MTRR: variants seen among roughly 807,000 people sequenced by gnomAD.
The protein encoded by MTRR is 5-methyltetrahydrofolate-homocysteine methyltransferase reductase, also known as methionine synthase reductase.
In MTRR, 63 loss-of-function variants were observed where a neutral mutation model predicts 79.2. That is an observed-to-expected ratio of 0.80 (90% CI 0.65 to 0.98). The LOEUF (loss-of-function observed/expected upper bound fraction) is 0.98. Ranked by LOEUF, MTRR falls within the 50% of genes least tolerant of loss-of-function variation. The pLI, the probability that MTRR is intolerant of heterozygous loss-of-function variation, is 0.00. For missense variants in MTRR, 895 were observed against 839.6 expected (o/e 1.07, Z -0.82); for synonymous variants, 355 against 313.3 (o/e 1.13, Z -1.41).
intron 12 of MTRR, chr5:7,896,378 G>A (rs913452377): frequency 5.1e-6 from 1 of 195,058 alleles, no homozygotes; most frequent in Admixed American, 5.4e-5. Context: ...CTATTTGTCA[G>A]ATAGTAGAGT....
intron 5 of MTRR, among the ~76,000 whole-genome samples, chr5:7,881,940 C>G (rs575216834): frequency 6.6e-6 from 1 of 152,228 alleles, no homozygotes; most frequent in Non-Finnish European, 1.5e-5. Flanking sequence ...TCTGTCTGCT[C>G]TCTCACTGGT....
chr5:7,894,393 A>G (rs932999654), intron 11 of MTRR, among the ~76,000 whole-genome samples: 1 of 152,338 alleles, frequency 6.6e-6, no homozygotes, highest in East Asian at 1.9e-4. Flanking sequence ...AAGCAGGAGC[A>G]CTAAGCCTGT....
In MTRR at chr5:7,878,278, C is replaced by A. The variant is rs1281231460; in HGVS notation, c.736C>A (p.Pro246Thr). ...AGCCTCTCTGAATATTCCTGGTTTA[C>A]CCCCAGAATATTTACAGGTACATCT... ...SQASLNIPGL[P>T]PEYLQVHLQE... is the part of the protein sequence containing the mutation. The change falls in exon 5 of 15, where the codon CCC becomes ACC. Residue 246 changes from proline (P) to threonine (T), a missense_variant. Coordinates refer to ENST00000440940, the MANE Select transcript of MTRR (RefSeq NM_002454.3). The A allele has an allele frequency of 1.9e-6, 3 of 1,614,154 alleles. No individual in the cohort carries two copies. In the East Asian group the frequency reaches 6.7e-5, roughly 36 times the overall value.
At chr5:7,873,263 G>T in intron 2 of MTRR, 110 bp from the exon 3 acceptor site, 2 of 1,422,246 alleles carry the variant, frequency 1.4e-6, no homozygotes, top group Non-Finnish European at 2.0e-6. Context: ...AAACTGGCAA[G>T]GAAGAAGATT....
chr5:7,861,777 C>G (rs1277305486), intron 1 of MTRR: 8 of 1,445,020 alleles, frequency 5.5e-6, no homozygotes, highest in Non-Finnish European at 7.3e-6. Context: ...CTGAAGGCTG[C>G]AAAGTAATGA....
At chr5:7,870,173 ACACT>A in intron 1 of MTRR, 1 of 595,066 alleles carries the variant, frequency 1.7e-6, no homozygotes, top group Non-Finnish European at 2.1e-6. Context: ...ATATGCCCAT[ACACT>A]CACATATTTT....
intron 9 of MTRR, among the ~76,000 whole-genome samples, chr5:7,889,529 TC>T (rs767241792): frequency 1.3e-5 from 2 of 152,148 alleles, no homozygotes; most frequent in Non-Finnish European, 2.9e-5. Context: ...TTTTTTTCCT[TC>T]CAGCAGTGTC....
chr5:7,858,696 A>C (rs1005239861), intron 1 of MTRR, among the ~76,000 whole-genome samples: 1 of 152,012 alleles, frequency 6.6e-6, no homozygotes, highest in South Asian at 2.1e-4. Flanking sequence ...TACAGGTTCA[A>C]TTGTATCCCT....
At position 7,862,743 on chromosome 5, in the gene MTRR, A is replaced by G; in HGVS notation, n.498+686A>G. 2.4e-6 allele frequency: 3 copies of G among 1,236,096 alleles called. No homozygotes were observed. In the South Asian group the frequency reaches 4.3e-5, roughly 18 times the overall value. 76.6% of individuals were successfully genotyped at this position (1,236,096 alleles called of 1,614,324 possible). A position where few individuals can be genotyped will look rare whatever the true frequency, so the allele number is the denominator to read the frequency against. On this transcript the variant is annotated intron_variant and non_coding_transcript_variant, in intron 2 of 3. Transcript: ENST00000502509. ...CATTTTGCATTTCCAGAGAACTTCT[A>G]TTGCTTCTAAGTCCCATATATCTCC...
chr5:7,861,524 C>A, intron 1 of MTRR: 3 of 1,220,270 alleles, frequency 2.5e-6, no homozygotes, highest in Non-Finnish European at 3.3e-6. Context: ...GAAAAAGATA[C>A]CGCTGCTTAT....
chr5:7,880,817 G>C (rs1735454492), intron 5 of MTRR, among the ~76,000 whole-genome samples: 1 of 152,168 alleles, frequency 6.6e-6, no homozygotes, highest in South Asian at 2.1e-4. Context: ...TGGCCCCCAT[G>C]TGCCTTGCTG....
chr5:7,867,936 G>C (rs376052553), upstream of MTRR: 1 of 1,614,016 alleles, frequency 6.2e-7, no homozygotes, highest in African/African-American at 1.3e-5. Context: ...AAAGGCTCAG[G>C]TTGTCGTGAA....
chr5:7,896,690 G>A (rs1738577721), intron 12 of MTRR, 174 bp from the exon 13 acceptor site: 6 of 642,414 alleles, frequency 9.3e-6, no homozygotes, highest in African/African-American at 7.3e-5. Context: ...GCATCTGCTC[G>A]AGTGGCCATG....
rs1259186284 is a variant in MTRR, at chr5:7,892,803, G to T, written c.1447G>T (p.Val483Phe). 2 of 1,614,200 alleles carry T rather than the reference G, an allele frequency of 1.2e-6. No individual in the cohort carries two copies. The highest frequency in any genetic ancestry group is 1.7e-5 in the Admixed American group (1 of 60,022). Residue 483 changes from valine (V) to phenylalanine (F), a missense_variant, in exon 11 of 15, where the codon GTT becomes TTT. Val to Phe is a conservative substitution (Grantham distance 50, BLOSUM62 -1). Transcript: ENST00000440940. ...VEFLSTATTE[V>F]LRKGVCTGWL... ...ATTTCTGTCTACTGCCACAACAGAG[G>T]TTCTGCGGAAGGGAGTATGTACAGG...
intron 1 of MTRR, chr5:7,861,488 CAT>C: frequency 2.3e-6 from 2 of 881,812 alleles, no homozygotes; most frequent in Non-Finnish European, 3.2e-6. Flanking sequence ...TTTCCAGAAT[CAT>C]ATCTATTTTT....
intron 12 of MTRR, chr5:7,896,306 A>G (rs576993787): frequency 5.4e-6 from 1 of 183,602 alleles, no homozygotes; most frequent in South Asian, 1.2e-4. Context: ...TTTGATATGA[A>G]ATAAGTAAAA....
intron 4 of MTRR, 135 bp from the exon 5 acceptor site, chr5:7,877,809 G>A: frequency 1.7e-6 from 2 of 1,178,342 alleles, no homozygotes; most frequent in South Asian, 1.3e-5. Context: ...AGTATTTTTT[G>A]TATTCCGAAT....
At chr5:7,855,843 T>C (rs68120083) in intron 1 of MTRR, among the ~76,000 whole-genome samples, 20,937 of 152,102 alleles carry the variant, frequency 0.14, 1,532 homozygotes, top group Middle Eastern at 0.26. Flanking sequence ...TGTTTGCTTT[T>C]TCTGGGATGG....
At chr5:7,871,022 A>T (rs1332967207) in intron 2 of MTRR, 99 bp downstream of exon 2, 2 of 1,377,132 alleles carry the variant, frequency 1.5e-6, no homozygotes, top group African/African-American at 2.9e-5. Context: ...ACCACCACAT[A>T]GTCTTTGTTT....
Sources: gnomAD v4.1 joint callset for allele counts (sites outside exome capture counted in the v4.1 genomes callset) on GRCh38, gnomAD v4.1.1 for gene constraint, MANE v1.5 for transcripts, NCBI Gene and HGNC (gene_info 2026-07-23, HGNC 2026-07-21) for gene names.